POLR1A: variants seen among roughly 807,000 people sequenced by gnomAD.
POLR1A encodes the protein RNA polymerase I subunit A.
POLR1A carries 84 observed loss-of-function variants against 205.3 expected under a neutral mutation model. The ratio of observed to expected loss-of-function variants is 0.41; its 90% CI spans 0.34 to 0.49. The LOEUF (loss-of-function observed/expected upper bound fraction) is 0.49, where lower values mean the gene tolerates loss of function less well. Ranked by LOEUF, POLR1A falls within the 20% of genes least tolerant of loss-of-function variation. The pLI is 0.22. For missense variants in POLR1A, 1,645 were observed against 2,204.5 expected (o/e 0.75, Z 5.08); for synonymous variants, 799 against 863.7 (o/e 0.93, Z 1.31).
At chr2:86,073,635 T>A (rs1482293922) in intron 12 of POLR1A, among the ~76,000 whole-genome samples, 1 of 152,320 alleles carries the variant, frequency 6.6e-6, no homozygotes, top group Non-Finnish European at 1.5e-5. Context: ...TCACTGCTGT[T>A]CCCTATGGTG....
chr2:86,043,070 G>C lies in POLR1A; in HGVS notation c.3261C>G (p.Gly1087=). ...SKHPNTLLRR[G]AFLSYSQKIQ... ...TTTTCTGGGAATAACTCAAGAAGGCGCCTCTTCTCAGCAGGGTGTTGGGGT... is the reference window on the plus strand; with the variant it reads ...TTTTCTGGGAATAACTCAAGAAGGCCCCTCTTCTCAGCAGGGTGTTGGGGT... The change falls in exon 23 of 34, where the codon GGC becomes GGG. Residue 1087 remains glycine (G), a synonymous_variant. Coordinates refer to ENST00000263857, the MANE Select transcript of POLR1A (RefSeq NM_015425.6). 6.2e-7 allele frequency: 1 copy of C among 1,614,126 alleles called. No homozygotes were observed. Among genetic ancestry groups the C allele is most frequent in the East Asian group, 2.2e-5 (1 of 44,890 alleles).
At position 86,045,689 on chromosome 2, in the gene POLR1A, A is replaced by G. The variant is rs1672697782; in HGVS notation, c.2814T>C (p.Phe938=). 3.7e-6 allele frequency: 6 copies of G among 1,612,230 alleles called. No individual in the cohort carries two copies. In the East Asian group the frequency reaches 1.3e-4, roughly 36 times the overall value. The change falls in exon 20 of 34, where the codon TTT becomes TTC. Residue 938 remains phenylalanine, a synonymous_variant. Transcript: ENST00000263857. The part of the protein sequence containing the change: ...LMASGKSLPC[F]EPYEFTPRAG... ...CCCTGGGGGTGAACTCATAAGGCTCAAAGCAGGGCAGTGACTTGCCAGACG... is the reference window on the plus strand; with the variant it reads ...CCCTGGGGGTGAACTCATAAGGCTCGAAGCAGGGCAGTGACTTGCCAGACG...
intron 25 of POLR1A, 108 bp downstream of exon 25, chr2:86,040,284 G>A (rs74657687): frequency 0.013 from 11,426 of 886,416 alleles, 80 homozygotes; most frequent in Non-Finnish European, 0.016. Context: ...CTCTCACACA[G>A]ACACACTCTC....
chr2:86,101,150 C>G (rs939989625), intron 1 of POLR1A, among the ~76,000 whole-genome samples: 2 of 152,188 alleles, frequency 1.3e-5, no homozygotes. Context: ...CCATAGGACA[C>G]AACTATGTTT....
At chr2:86,045,830 T>C (rs1672700856) in intron 19 of POLR1A, 61 bp from the exon 20 acceptor site, 1 of 1,450,768 alleles carries the variant, frequency 6.9e-7, no homozygotes, top group African/African-American at 1.4e-5. Context: ...CAGTGCTTTG[T>C]CCCAGCAGGG....
intron 25 of POLR1A, chr2:86,040,062 G>C (rs1272443153): frequency 4.2e-6 from 1 of 237,678 alleles, no homozygotes; most frequent in Non-Finnish European, 8.1e-6. Flanking sequence ...CCTGGAGTTG[G>C]GCAACCAGGC....
At chr2:86,027,856 G>T in intron 33 of POLR1A, 29 bp downstream of exon 33, 2 of 1,613,200 alleles carry the variant, frequency 1.2e-6, no homozygotes, top group Non-Finnish European at 1.7e-6. Context: ...CAGTAGAGGG[G>T]AGGCCAGGGC....
Position 86,070,399 on chromosome 2 carries a change from G to A in POLR1A, c.1612-127C>T, listed in dbSNP as rs1457140002. On this transcript the variant is annotated intron_variant, in intron 12 of 33. Coordinates refer to ENST00000263857, the MANE Select transcript of POLR1A (RefSeq NM_015425.6). The surrounding 1 kb of genome is among the most constrained non-coding windows in gnomAD (Gnocchi z 4.4). Reference sequence around the variant, plus strand: ...TCACGTTCTAGTTAACTAAATGCAAGGGGAATTTTTCATCTGGAGCAAAAC... The same window carrying A: ...TCACGTTCTAGTTAACTAAATGCAAAGGGAATTTTTCATCTGGAGCAAAAC... 1 of 1,026,860 alleles carries A rather than the reference G, an allele frequency of 9.7e-7. No individual in the cohort carries two copies. The highest frequency in any genetic ancestry group is 2.6e-5 in the Admixed American group (1 of 37,828). The allele number at this position is 1,026,860 out of a possible 1,614,324, so 63.6% of individuals were successfully genotyped here. A position where few individuals can be genotyped will look rare whatever the true frequency, so the allele number is the denominator to read the frequency against.
chr2:86,076,760 C>T (rs140191922), intron 11 of POLR1A, among the ~76,000 whole-genome samples: 29 of 152,324 alleles, frequency 1.9e-4, no homozygotes, highest in African/African-American at 5.3e-4. Flanking sequence ...AGGTCTCTCA[C>T]AGAGCTGGGG....
At chr2:86,044,360 C>G in intron 21 of POLR1A, 56 bp from the exon 22 acceptor site, 1 of 1,598,818 alleles carries the variant, frequency 6.3e-7, no homozygotes, top group East Asian at 2.2e-5. Context: ...CCAGGGCAGC[C>G]TCTGATGAGG....
chr2:86,083,101 A>G lies in POLR1A; in HGVS notation c.798T>C (p.Ser266=). The G allele has an allele frequency of 6.2e-7, 1 of 1,613,808 alleles. No individual in the cohort carries two copies. The highest frequency in any genetic ancestry group is 8.5e-7 in the Non-Finnish European group (1 of 1,179,630). The change falls in exon 7 of 34, where the codon TCT becomes TCC. Residue 266 remains serine (S), a synonymous_variant. Transcript: ENST00000263857. ...CAGCACCTTCATTCTTCCACAGGGC[A>G]GAAAGGTGTTCGCGGGCACTGGTGG... ...LTPTSAREHL[S]ALWKNEGFFL... is the part of the protein sequence containing the mutation.
chr2:86,082,498 T>G (rs1420028381), intron 7 of POLR1A, among the ~76,000 whole-genome samples: 1 of 151,866 alleles, frequency 6.6e-6, no homozygotes, highest in Non-Finnish European at 1.5e-5. Flanking sequence ...AAGATTAAAA[T>G]GTACTAGGGC....
chr2:86,048,812 A>T, intron 18 of POLR1A, 72 bp downstream of exon 18: 1 of 1,395,428 alleles, frequency 7.2e-7, no homozygotes, highest in Non-Finnish European at 1.0e-6. Flanking sequence ...CCCAGGTGAG[A>T]ATCAAAATGT....
At chr2:86,087,202 T>TTCTATTAAG (rs753586292) in intron 6 of POLR1A, among the ~76,000 whole-genome samples, 12 of 152,242 alleles carry the variant, frequency 7.9e-5, no homozygotes, top group Non-Finnish European at 1.6e-4. Context: ...TTTACTACTC[T>TTCTATTAAG]TCTATTAAGT....
At chr2:86,085,634 A>G (rs1223075192) in intron 6 of POLR1A, among the ~76,000 whole-genome samples, 2 of 152,100 alleles carry the variant, frequency 1.3e-5, no homozygotes, top group Admixed American at 1.3e-4. Flanking sequence ...CAATGCCCCC[A>G]CTGCAGTTTA....
chr2:86,043,335 C>G (rs1672651984), intron 22 of POLR1A, 140 bp from the exon 23 acceptor site: 2 of 676,814 alleles, frequency 3.0e-6, no homozygotes, highest in Admixed American at 2.6e-5. Flanking sequence ...GGGCCGAGCA[C>G]CACTCTCAGA....
chr2:86,088,061 A>T (rs1276274963), intron 6 of POLR1A, among the ~76,000 whole-genome samples: 2 of 152,080 alleles, frequency 1.3e-5, no homozygotes, highest in African/African-American at 4.8e-5. Flanking sequence ...TTATCTCAAA[A>T]TTTTTCCCAA....
At chr2:86,051,869 G>T (rs10153790) in intron 16 of POLR1A, among the ~76,000 whole-genome samples, 7,905 of 152,294 alleles carry the variant, frequency 0.052, 672 homozygotes, top group African/African-American at 0.18. Context: ...TGCAAACAAG[G>T]TAGTTCCTCT....
intron 24 of POLR1A, among the ~76,000 whole-genome samples, chr2:86,041,186 T>TGCAC (rs1426501232): frequency 3.1e-5 from 2 of 65,060 alleles, no homozygotes; most frequent in African/African-American, 8.5e-5. Context: ...TGTGTGTGTG[T>TGCAC]GTGTGCGCGC....
Sources: gnomAD v4.1 joint callset for allele counts (sites outside exome capture counted in the v4.1 genomes callset) on GRCh38, gnomAD v4.1.1 for gene constraint, Gnocchi (gnomAD v3.1) non-coding constraint, MANE v1.5 for transcripts, NCBI Gene and HGNC (gene_info 2026-07-23, HGNC 2026-07-21) for gene names.